The following IL33 variants were observed in gnomAD, a reference collection of about 807,000 sequenced individuals.
IL33 encodes the protein interleukin 33.
In IL33, 37 loss-of-function variants were observed where a neutral mutation model predicts 27.3. The observed-to-expected ratio is 1.36, with a 90% confidence interval of 1.04 to 1.78. The LOEUF is 1.78. IL33 is among the 40% of genes most tolerant of loss of function. The probability of loss-of-function intolerance (pLI) is 0.00; values close to 1 mark genes in which losing one functional copy is unlikely to be tolerated. For synonymous variants in IL33, 132 were observed against 102.9 expected (o/e 1.28, Z -1.71); for missense variants, 406 against 311.4 (o/e 1.30, Z -2.29).
At chr9:6,220,414 T>G (rs1178379276) in intron 1 of IL33, among the ~76,000 whole-genome samples, 10 of 152,242 alleles carry the variant, frequency 6.6e-5, no homozygotes. Flanking sequence ...CATAGTTTTG[T>G]GTGTCTGCTG....
intron 1 of IL33, among the ~76,000 whole-genome samples, chr9:6,237,567 G>T (rs937735471): frequency 1.3e-5 from 2 of 152,078 alleles, no homozygotes; most frequent in Admixed American, 6.6e-5. Flanking sequence ...TAAGACGGGA[G>T]AAAAAGGTTA....
At chr9:6,238,528 G>C (rs1202115660) in intron 1 of IL33, among the ~76,000 whole-genome samples, 6 of 152,184 alleles carry the variant, frequency 3.9e-5, no homozygotes, top group Admixed American at 2.0e-4. Flanking sequence ...ATCATCTGGA[G>C]TTTCAGCCTC....
At chr9:6,254,370 C>A in intron 6 of IL33, 92 bp from the exon 7 acceptor site, 4 of 717,946 alleles carry the variant, frequency 5.6e-6, no homozygotes, top group Non-Finnish European at 8.6e-6. Context: ...TTTTATGTAA[C>A]ATCTTAGACT....
At chr9:6,245,435 C>T (rs777754069) in intron 2 of IL33, among the ~76,000 whole-genome samples, 40 of 152,084 alleles carry the variant, frequency 2.6e-4, no homozygotes, top group Non-Finnish European at 2.6e-4. Flanking sequence ...GGAGATTTGA[C>T]TTTATCCTGT....
chr9:6,241,662 A>G, intron 1 of IL33, 22 bp from the exon 2 acceptor site: 1 of 1,424,982 alleles, frequency 7.0e-7, no homozygotes, highest in Non-Finnish European at 9.7e-7. Context: ...AAATGAACTA[A>G]TATTATATTT....
chr9:6,215,682 C>T (rs776304428), upstream of IL33: 8 of 152,184 alleles, frequency 5.3e-5, no homozygotes, highest in Non-Finnish European at 1.2e-4. Flanking sequence ...AATTGTAACT[C>T]TGTTGGCTCT....
At chr9:6,224,643 C>G (rs1818552210) in intron 1 of IL33, among the ~76,000 whole-genome samples, 1 of 152,128 alleles carries the variant, frequency 6.6e-6, no homozygotes, top group African/African-American at 2.4e-5. Flanking sequence ...TGTATTGTTG[C>G]CAATTTCAAA....
intron 1 of IL33, among the ~76,000 whole-genome samples, chr9:6,234,148 C>T (rs1235454749): frequency 6.6e-6 from 1 of 152,202 alleles, no homozygotes; most frequent in Admixed American, 6.5e-5. Flanking sequence ...CTTCTTACAG[C>T]TTTCTCTTCC....
At chr9:6,216,435 T>C (rs1424572607) in intron 1 of IL33, among the ~76,000 whole-genome samples, 1 of 152,214 alleles carries the variant, frequency 6.6e-6, no homozygotes, top group African/African-American at 2.4e-5. Flanking sequence ...CAAGTGGTTT[T>C]CAGTAAAAGG....
chr9:6,242,943 G>C (rs1156326877), intron 2 of IL33, among the ~76,000 whole-genome samples: 1 of 152,168 alleles, frequency 6.6e-6, no homozygotes, highest in African/African-American at 2.4e-5. Context: ...GTCACATAGG[G>C]GGAGAACAGA....
At chr9:6,226,490 C>T (rs1324982283) in intron 1 of IL33, among the ~76,000 whole-genome samples, 2 of 152,004 alleles carry the variant, frequency 1.3e-5, no homozygotes, top group Non-Finnish European at 2.9e-5. Context: ...ATTTTTCTTC[C>T]AAGTCTTTTA....
chr9:6,243,633 G>A, intron 2 of IL33, among the ~76,000 whole-genome samples: 1 of 152,168 alleles, frequency 6.6e-6, no homozygotes, highest in African/African-American at 2.4e-5. Context: ...GGGATCACAG[G>A]CATGAACCAC....
chr9:6,216,606 G>T (rs1818154463), intron 1 of IL33, among the ~76,000 whole-genome samples: 1 of 151,994 alleles, frequency 6.6e-6, no homozygotes. Flanking sequence ...AAACTAGCTG[G>T]GTGTGGTGGT....
In IL33 at chr9:6,253,545, C is replaced by G; in HGVS notation, c.470-7C>G. On this transcript the variant is annotated splice_polypyrimidine_tract_variant and splice_region_variant and intron_variant, in intron 5 of 7. Coordinates refer to ENST00000682010, the MANE Select transcript of IL33 (RefSeq NM_033439.4). ...TCACCAGAGGGATTTTATGCATTCT[C>G]TTTCAGATAAGGTGTTACTGAGTTA... The G allele has an allele frequency of 6.3e-7, 1 of 1,596,500 alleles. No individual in the cohort carries two copies. Among genetic ancestry groups the G allele is most frequent in the Admixed American group, 1.7e-5 (1 of 58,208 alleles).
chr9:6,246,299 T>C (rs1045313973), intron 2 of IL33, among the ~76,000 whole-genome samples: 7 of 151,792 alleles, frequency 4.6e-5, no homozygotes, highest in African/African-American at 1.2e-4. Flanking sequence ...TGCGGTGGCT[T>C]ATGCCTGTAA....
chr9:6,250,477 C>G lies in IL33; in HGVS notation c.95C>G (p.Ser32Cys), dbSNP rs750639062. The G allele has an allele frequency of 9.9e-6, 16 of 1,612,546 alleles. No homozygotes were observed. Among genetic ancestry groups the G allele is most frequent in the Non-Finnish European group, 1.0e-5 (12 of 1,179,382 alleles). The change falls in exon 3 of 8, where the codon TCC becomes TGC. Residue 32 changes from serine to cysteine, a missense_variant. Coordinates refer to ENST00000682010, the MANE Select transcript of IL33 (RefSeq NM_033439.4). Reference sequence around the variant, plus strand: ...CACAAGTTTTTCAATTGTTTAGAATCCCAACAGAAGGCCAAAGAAGTTTGC... The same window carrying G: ...CACAAGTTTTTCAATTGTTTAGAATGCCAACAGAAGGCCAAAGAAGTTTGC... ...SKALCFKLGK[S>C]QQKAKEVCPM...
intron 4 of IL33, among the ~76,000 whole-genome samples, chr9:6,252,095 ACCAACTTTACCTGG>A (rs1816430787): frequency 3.2e-5 from 4 of 123,528 alleles, no homozygotes; most frequent in East Asian, 2.3e-4. Context: ...AAACAAAAAA[ACCAACTTTACCTGG>A]AAATTGCATT....
At chr9:6,254,419 T>C in intron 6 of IL33, 43 bp from the exon 7 acceptor site, 1 of 1,270,372 alleles carries the variant, frequency 7.9e-7, no homozygotes, top group Non-Finnish European at 1.1e-6. Context: ...TAAAGATGAG[T>C]TACAGTTCTT....
intron 4 of IL33, among the ~76,000 whole-genome samples, chr9:6,252,199 T>C (rs1183572328): frequency 6.6e-6 from 1 of 152,132 alleles, no homozygotes; most frequent in African/African-American, 2.4e-5. Flanking sequence ...TAAGTATTTC[T>C]AAATCATTTA....
Sources: allele counts gnomAD v4.1 joint callset (sites outside exome capture counted in the v4.1 genomes callset), GRCh38; gene constraint gnomAD v4.1.1; transcripts MANE v1.5; gene names NCBI Gene and HGNC (gene_info 2026-07-23, HGNC 2026-07-21).